The following RABGAP1L variants were observed in gnomAD, a reference collection of about 807,000 sequenced individuals.
RABGAP1L encodes rab GTPase-activating protein 1-like.
RABGAP1L carries 63 observed loss-of-function variants against 137.7 expected under a neutral mutation model. That is an observed-to-expected ratio of 0.46 (90% CI 0.37 to 0.56). The LOEUF (loss-of-function observed/expected upper bound fraction) is 0.56. RABGAP1L is among the 20% of genes least tolerant of loss of function. RABGAP1L has a pLI of 0.00. For synonymous variants in RABGAP1L, 431 were observed against 433.7 expected, an observed-to-expected ratio of 0.99 and a Z score of 0.08; for missense variants, 1,095 against 1,244.0, an observed-to-expected ratio of 0.88 and a Z score of 1.80.
chr1:174,982,201 G>T (rs993658775), intron 23 of RABGAP1L, among the ~76,000 whole-genome samples: 2 of 151,904 alleles, frequency 1.3e-5, no homozygotes, highest in Non-Finnish European at 2.9e-5. Context: ...TGTTACATAG[G>T]TATACACGTG....
intron 13 of RABGAP1L, among the ~76,000 whole-genome samples, chr1:174,474,081 T>A (rs1178251959): frequency 6.6e-6 from 1 of 152,198 alleles, no homozygotes; most frequent in Non-Finnish European, 1.5e-5. Context: ...CTCAGTCTAT[T>A]TTTTAAAATT....
Position 174,277,482 on chromosome 1 carries a change from C to T in RABGAP1L, c.1157-1131C>T, listed in dbSNP as rs537796988. Among the ~76,000 whole-genome samples the T allele has an allele frequency of 7.9e-5, 12 of 151,022 alleles. No homozygotes were observed. The South Asian group carries it at 2.5e-3, about 31-fold the overall frequency. ...TTTTGCAATAAAATATATATTTGGT[C>T]CACAAAAGAAAATTTATTTATAATT... On this transcript the variant is annotated intron_variant, in intron 9 of 25. Coordinates refer to ENST00000681986, the MANE Select transcript of RABGAP1L (RefSeq NM_001366446.1).
rs1021061517 is a variant in RABGAP1L, at chr1:174,411,227, C to T, written c.1710+17082C>T. Reference sequence around the variant, plus strand: ...CTTCTTTTCCAATTTGGATGCCTTTCTTTCTCTTGCCTGATTGCTCTGGGT... The same window carrying T: ...CTTCTTTTCCAATTTGGATGCCTTTTTTTCTCTTGCCTGATTGCTCTGGGT... On this transcript the variant is annotated intron_variant, in intron 13 of 25. Coordinates refer to ENST00000681986, the MANE Select transcript of RABGAP1L (RefSeq NM_001366446.1). Among the ~76,000 whole-genome samples the T allele has an allele frequency of 2.0e-5, 3 of 152,108 alleles. No homozygotes were observed. In the South Asian group the frequency reaches 6.2e-4, roughly 32 times the overall value.
intron 13 of RABGAP1L, among the ~76,000 whole-genome samples, chr1:174,613,989 G>A (rs1301761891): frequency 6.6e-6 from 1 of 152,152 alleles, no homozygotes; most frequent in Non-Finnish European, 1.5e-5. Flanking sequence ...ACAGCACACT[G>A]ATGGGTCTTG....
chr1:174,756,886 G>T, intron 18 of RABGAP1L: 1 of 640,044 alleles, frequency 1.6e-6, no homozygotes. Flanking sequence ...GAAGGCATCT[G>T]AAGCAGTCCT....
intron 14 of RABGAP1L, among the ~76,000 whole-genome samples, chr1:174,655,700 ATATGT>A (rs1391170363): frequency 2.0e-5 from 3 of 152,138 alleles, no homozygotes; most frequent in African/African-American, 4.8e-5. Context: ...TAGTTTATTT[ATATGT>A]TATATCAATA....
intron 19 of RABGAP1L, among the ~76,000 whole-genome samples, chr1:174,821,152 ATCAC>A (rs996899933): frequency 1.4e-4 from 22 of 152,284 alleles, no homozygotes; most frequent in African/African-American, 4.8e-4. Context: ...TTCTGCCACC[ATCAC>A]TACCATTTTA....
At chr1:174,337,296 G>A (rs931767258) in intron 11 of RABGAP1L, among the ~76,000 whole-genome samples, 2 of 152,056 alleles carry the variant, frequency 1.3e-5, no homozygotes, top group African/African-American at 4.8e-5. Context: ...TAGAACCCAC[G>A]GTAGCTTGCA....
intron 14 of RABGAP1L, among the ~76,000 whole-genome samples, chr1:174,651,079 C>T (rs1371993183): frequency 2.0e-5 from 3 of 151,874 alleles, no homozygotes; most frequent in Non-Finnish European, 2.9e-5. Context: ...TTTCTGCCTT[C>T]ATTTCGTTAT....
chr1:174,558,387 A>G (rs572075444), intron 13 of RABGAP1L, among the ~76,000 whole-genome samples: 63 of 152,300 alleles, frequency 4.1e-4, no homozygotes, highest in Middle Eastern at 6.8e-3. Flanking sequence ...GAATCAATAT[A>G]TATAGCTTAA....
At chr1:174,966,494 G>GT (rs912731879) in intron 20 of RABGAP1L, among the ~76,000 whole-genome samples, 10 of 151,804 alleles carry the variant, frequency 6.6e-5, no homozygotes, top group Admixed American at 2.0e-4. Flanking sequence ...TTTCCTATAT[G>GT]TTTTTTTTCC....
In RABGAP1L at chr1:174,976,185, A is replaced by G; in HGVS notation, c.2649+3A>G. 1.3e-6 allele frequency: 2 copies of G among 1,539,812 alleles called. No homozygotes were observed. Among genetic ancestry groups the G allele is most frequent in the Non-Finnish European group, 1.8e-6 (2 of 1,137,120 alleles). On this transcript the variant is annotated splice_donor_region_variant and intron_variant, in intron 22 of 25. Transcript: ENST00000681986. ...AGCAAGAGGAAGAGACTGCCCAGGT[A>G]AAAGGAATAATATGTAGGCTTTTCT...
chr1:174,575,195 G>A (rs1668286016), intron 13 of RABGAP1L, among the ~76,000 whole-genome samples: 1 of 152,164 alleles, frequency 6.6e-6, no homozygotes, highest in Admixed American at 6.5e-5. Flanking sequence ...CTCCCAAAGT[G>A]CTGGGATTAC....
At chr1:174,973,701 C>T (rs185301106) in intron 21 of RABGAP1L, among the ~76,000 whole-genome samples, 1 of 151,886 alleles carries the variant, frequency 6.6e-6, no homozygotes, top group African/African-American at 2.4e-5. Context: ...TACTTTAAAA[C>T]ATTTTCATAA....
At chr1:174,266,799 T>C (rs972691737) in intron 7 of RABGAP1L, among the ~76,000 whole-genome samples, 9 of 152,114 alleles carry the variant, frequency 5.9e-5, no homozygotes, top group Non-Finnish European at 1.2e-4. Flanking sequence ...AAAGAGGAAA[T>C]TGGCCAACAA....
chr1:174,866,822 A>T (rs1651333871), intron 19 of RABGAP1L, among the ~76,000 whole-genome samples: 1 of 152,004 alleles, frequency 6.6e-6, no homozygotes, highest in Non-Finnish European at 1.5e-5. Flanking sequence ...CTGAGAGAGG[A>T]GGATTACCTG....
chr1:174,853,225 G>GT (rs1244172913), intron 19 of RABGAP1L, among the ~76,000 whole-genome samples: 8 of 123,436 alleles, frequency 6.5e-5, no homozygotes, highest in African/African-American at 1.2e-4. Flanking sequence ...AGGAGGCTGG[G>GT]TTGTTTTTTT....
chr1:174,497,203 T>A (rs1660823916), intron 13 of RABGAP1L, among the ~76,000 whole-genome samples: 1 of 152,200 alleles, frequency 6.6e-6, no homozygotes, highest in East Asian at 1.9e-4. Flanking sequence ...TAGCTATCTT[T>A]ACTGAAATAT....
chr1:174,475,823 C>T (rs1265790387), intron 13 of RABGAP1L, among the ~76,000 whole-genome samples: 3 of 145,644 alleles, frequency 2.1e-5, no homozygotes, highest in African/African-American at 7.6e-5. Flanking sequence ...CCATTTGCTT[C>T]TGCTGTATAA....
Sources: allele counts gnomAD v4.1 joint callset (sites outside exome capture counted in the v4.1 genomes callset), GRCh38; gene constraint gnomAD v4.1.1; transcripts MANE v1.5; gene names NCBI Gene and HGNC (gene_info 2026-07-23, HGNC 2026-07-21).